Variants in NSMAF observed in about 807,000 individuals in gnomAD.
NSMAF encodes neutral sphingomyelinase activation associated factor, also known as protein FAN.
In NSMAF, 90 loss-of-function variants were observed where a neutral mutation model predicts 134.9. The ratio of observed to expected loss-of-function variants is 0.67; its 90% CI spans 0.56 to 0.79. The LOEUF (loss-of-function observed/expected upper bound fraction) is 0.79, where lower values mean the gene tolerates loss of function less well. Ranked by LOEUF, NSMAF falls within the 30% of genes least tolerant of loss-of-function variation. The pLI, the probability that NSMAF is intolerant of heterozygous loss-of-function variation, is 0.00. For synonymous variants in NSMAF, 358 were observed against 389.6 expected (o/e 0.92, Z 0.96); for missense variants, 1,010 against 1,119.0 (o/e 0.90, Z 1.39).
chr8:58,592,782 G>C (rs1472137934), intron 23 of NSMAF, among the ~76,000 whole-genome samples: 1 of 152,058 alleles, frequency 6.6e-6, no homozygotes, highest in Non-Finnish European at 1.5e-5. Context: ...AGCTACTCAG[G>C]AGGCTGAGGC....
intron 6 of NSMAF, among the ~76,000 whole-genome samples, chr8:58,630,501 T>C (rs541693851): frequency 6.6e-6 from 1 of 151,866 alleles, no homozygotes; most frequent in Non-Finnish European, 1.5e-5. Flanking sequence ...CCCAGGTGAG[T>C]GGTTCTCAAC....
intron 9 of NSMAF, among the ~76,000 whole-genome samples, chr8:58,613,901 A>C (rs950056696): frequency 6.6e-6 from 1 of 152,152 alleles, no homozygotes; most frequent in East Asian, 1.9e-4. Context: ...TCATGTTGGC[A>C]CTCAAAAATT....
rs766261495 is a variant in NSMAF, at chr8:58,585,704, G to A, written c.2607C>T (p.Leu869=). Residue 869 remains leucine, a synonymous_variant, in exon 30 of 31, where the codon CTC becomes CTT. Coordinates refer to ENST00000038176, the MANE Select transcript of NSMAF (RefSeq NM_003580.4). ...VLSGSQSGEL[L]VWDLLGAKIS... ...TTTTTGCTCCAAGGAGGTCCCAAAC[G>A]AGCAGTTCACCAGACTGACTGCCAG... The A allele has an allele frequency of 1.7e-5, 28 of 1,613,976 alleles. No individual in the cohort carries two copies. The Admixed American group carries it at 2.7e-4, about 15-fold the overall frequency.
chr8:58,609,679 C>T lies in NSMAF; in HGVS notation c.612G>A (p.Thr204=), dbSNP rs547931705. ...LHMECKAEMV[T]PLVTNPGHVC... ...CGTGTCCAGGATTAGTCACCAGAGG[C>T]GTCACCATTTCTGCTTTGCATTCCA... Residue 204 remains threonine, a synonymous_variant, in exon 10 of 31, where the codon ACG becomes ACA. Coordinates refer to ENST00000038176, the MANE Select transcript of NSMAF (RefSeq NM_003580.4). 1.5e-4 allele frequency: 242 copies of T among 1,614,096 alleles called. No individual in the cohort carries two copies. The South Asian group carries it at 2.3e-3, about 15-fold the overall frequency.
intron 23 of NSMAF, 85 bp downstream of exon 23, chr8:58,594,147 G>T: frequency 9.0e-7 from 1 of 1,105,352 alleles, no homozygotes; most frequent in Non-Finnish European, 1.4e-6. Flanking sequence ...ACATGCAAGT[G>T]CAGTCCTTGA....
At chr8:58,637,582 T>G (rs1807206052) in intron 2 of NSMAF, among the ~76,000 whole-genome samples, 1 of 152,196 alleles carries the variant, frequency 6.6e-6, no homozygotes, top group African/African-American at 2.4e-5. Flanking sequence ...TGATTTTATA[T>G]GTATACAAAA....
chr8:58,588,695 T>G, intron 26 of NSMAF: 1 of 1,543,170 alleles, frequency 6.5e-7, no homozygotes, highest in African/African-American at 1.3e-5. Flanking sequence ...GCACAGTTAG[T>G]GCAGCGAATA....
intron 12 of NSMAF, 64 bp downstream of exon 12, chr8:58,605,861 CAG>C (rs1247642685): frequency 7.1e-7 from 1 of 1,403,766 alleles, no homozygotes; most frequent in African/African-American, 1.6e-5. Context: ...GCCTGGGTGA[CAG>C]AGCGAGACTC....
intron 30 of NSMAF, among the ~76,000 whole-genome samples, chr8:58,584,587 G>A (rs765166371): frequency 3.9e-5 from 6 of 152,164 alleles, no homozygotes; most frequent in Non-Finnish European, 1.5e-5. Flanking sequence ...TTTTCCACTG[G>A]AAGGGGTCAA....
At chr8:58,600,202 G>A in intron 16 of NSMAF, 181 bp from the exon 17 acceptor site, 1 of 600,750 alleles carries the variant, frequency 1.7e-6, no homozygotes, top group Non-Finnish European at 2.9e-6. Flanking sequence ...GGGGCCCAGA[G>A]AGTTTATGTA....
chr8:58,644,739 G>A (rs1047033231), intron 1 of NSMAF, among the ~76,000 whole-genome samples: 1 of 152,160 alleles, frequency 6.6e-6, no homozygotes, highest in African/African-American at 2.4e-5. Flanking sequence ...TGATAGACTG[G>A]ATAAAGAAAA....
At chr8:58,619,535 G>T (rs546637069) in intron 9 of NSMAF, among the ~76,000 whole-genome samples, 13 of 152,232 alleles carry the variant, frequency 8.5e-5, no homozygotes, top group African/African-American at 3.1e-4. Flanking sequence ...ATAAGATTTT[G>T]TAAATATAAA....
chr8:58,659,510 G>T lies in NSMAF; in HGVS notation c.59+63C>A, dbSNP rs1185132265. The T allele has an allele frequency of 2.6e-6, 4 of 1,509,566 alleles. No individual in the cohort carries two copies. In the East Asian group the frequency reaches 1.1e-4, roughly 42 times the overall value. 93.5% of individuals were successfully genotyped at this position (1,509,566 alleles called of 1,614,324 possible). A position where few individuals can be genotyped will look rare whatever the true frequency, so the allele number is the denominator to read the frequency against. On this transcript the variant is annotated intron_variant, in intron 1 of 30. Transcript: ENST00000038176. ...CCTCCCGTCCCTCAGATCTCCGGCC[G>T]GCGTCCCCACGACCGGCCCCGACTA...
chr8:58,629,006 G>A (rs754232504), intron 6 of NSMAF, among the ~76,000 whole-genome samples: 9 of 152,146 alleles, frequency 5.9e-5, no homozygotes, highest in Non-Finnish European at 1.0e-4. Context: ...ATTATCATGT[G>A]TCTTGGTAAG....
intron 14 of NSMAF, 23 bp from the exon 15 acceptor site, chr8:58,601,558 A>C: frequency 6.3e-7 from 1 of 1,576,380 alleles, no homozygotes; most frequent in Non-Finnish European, 8.5e-7. Context: ...AAAAAAAAAA[A>C]AATAGAGCTA....
Position 58,659,778 on chromosome 8 carries a change from G to C in NSMAF, c.-147C>G. 2.1e-6 allele frequency: 1 copy of C among 486,294 alleles called. No homozygotes were observed. Among genetic ancestry groups the C allele is most frequent in the Non-Finnish European group, 3.1e-6 (1 of 324,492 alleles). 30.1% of individuals were successfully genotyped at this position (486,294 alleles called of 1,614,324 possible). ...CCTGGCTTCCCCTGCGGCGCCGCTG[G>C]GCGGCCGAGAGCCCGACGCGGCGTC... On this transcript the variant is annotated 5_prime_UTR_variant, in exon 1 of 31. Coordinates refer to ENST00000038176, the MANE Select transcript of NSMAF (RefSeq NM_003580.4).
At chr8:58,587,563 C>T (rs942628224) in intron 27 of NSMAF, 55 bp downstream of exon 27, 19 of 1,486,604 alleles carry the variant, frequency 1.3e-5, no homozygotes, top group Middle Eastern at 1.7e-4. Flanking sequence ...TTCTTCCAGC[C>T]GAACCCCTAG....
chr8:58,651,672 C>G (rs930843010), intron 1 of NSMAF, among the ~76,000 whole-genome samples: 1 of 152,160 alleles, frequency 6.6e-6, no homozygotes, highest in Admixed American at 6.5e-5. Flanking sequence ...TTTATATGTA[C>G]TATCAAGAAG....
intron 1 of NSMAF, among the ~76,000 whole-genome samples, chr8:58,653,056 G>A (rs1031740795): frequency 3.3e-5 from 5 of 152,122 alleles, no homozygotes; most frequent in Non-Finnish European, 7.4e-5. Context: ...AAAAAATACC[G>A]GACAATAACA....
Sources: gnomAD v4.1 joint callset for allele counts (sites outside exome capture counted in the v4.1 genomes callset) on GRCh38, gnomAD v4.1.1 for gene constraint, MANE v1.5 for transcripts, NCBI Gene and HGNC (gene_info 2026-07-23, HGNC 2026-07-21) for gene names.